The following TTLL5 variants were observed in gnomAD, a reference collection of about 807,000 sequenced individuals.
TTLL5 encodes the protein tubulin tyrosine ligase like 5, also known as tubulin polyglutamylase TTLL5.
TTLL5 carries 132 observed loss-of-function variants against 168.4 expected under a neutral mutation model. That is an observed-to-expected ratio of 0.78 (90% CI 0.68 to 0.91). TTLL5 has a LOEUF of 0.91. Among genes scored for constraint, TTLL5 ranks in the 40% least tolerant of loss-of-function variants. The pLI is 0.00. For synonymous variants in TTLL5, 546 were observed against 558.6 expected (o/e 0.98, Z 0.32); for missense variants, 1,545 against 1,581.5 (o/e 0.98, Z 0.39).
intron 29 of TTLL5, 106 bp downstream of exon 29, chr14:75,863,968 C>T (rs1013114318): frequency 1.8e-5 from 21 of 1,184,578 alleles, no homozygotes; most frequent in Non-Finnish European, 2.2e-5. Context: ...ATTAGTTTTC[C>T]AACCCCGTGC....
chr14:75,720,592 G>T lies in TTLL5; in HGVS notation c.935-4G>T. On this transcript the variant is annotated splice_region_variant and splice_polypyrimidine_tract_variant and intron_variant, in intron 11 of 31. Transcript: ENST00000298832. ...GTCTGAAATTTAAAAATTTTTGTTT[G>T]CAGCATTGATGGCCCATGTAGAAGA... The T allele has an allele frequency of 6.2e-7, 1 of 1,611,008 alleles. No homozygotes were observed. The highest frequency in any genetic ancestry group is 8.5e-7 in the Non-Finnish European group (1 of 1,178,184).
intron 19 of TTLL5, 125 bp from the exon 20 acceptor site, chr14:75,765,933 TATTA>T (rs1890951620): frequency 1.5e-6 from 1 of 670,512 alleles, no homozygotes; most frequent in Admixed American, 2.9e-5. Flanking sequence ...ATGTGGGTGC[TATTA>T]ATTCTGTGCC....
Position 75,882,819 on chromosome 14 carries a change from A to G in TTLL5, c.3657A>G (p.Pro1219=), listed in dbSNP as rs1203254027. The G allele has an allele frequency of 6.2e-7, 1 of 1,614,108 alleles. No homozygotes were observed. Among genetic ancestry groups the G allele is most frequent in the Non-Finnish European group, 8.5e-7 (1 of 1,180,010 alleles). The change falls in exon 30 of 32, where the codon CCA becomes CCG. Residue 1219 remains proline, a synonymous_variant. Transcript: ENST00000298832. ...TGCCACAAAAAGTGGTACCACCTCC[A>G]AGTTCTTGCGCCTCCCTGGTTCCCA... ...TTLPQKVVPP[P]SSCASLVPKP... is the part of the protein sequence containing the mutation.
intron 3 of TTLL5, among the ~76,000 whole-genome samples, chr14:75,675,394 T>A (rs1884061021): frequency 6.6e-6 from 1 of 152,236 alleles, no homozygotes; most frequent in Non-Finnish European, 1.5e-5. Context: ...CTTCTCTGTG[T>A]TGACAGTTAG....
At position 75,882,670 on chromosome 14, in the gene TTLL5, C is replaced by T. The variant is rs1566644104; in HGVS notation, c.3523-15C>T. 9 of 1,253,922 alleles carry T rather than the reference C, an allele frequency of 7.2e-6. No individual in the cohort carries two copies. Among genetic ancestry groups the T allele is most frequent in the Admixed American group, 2.1e-5 (1 of 48,114 alleles). The allele number at this position is 1,253,922 out of a possible 1,614,324, so 77.7% of individuals were successfully genotyped here. A position where few individuals can be genotyped will look rare whatever the true frequency, so the allele number is the denominator to read the frequency against. Reference sequence around the variant, plus strand: ...GTGATGTCCATCGATCATTTTTTTCCTTTTTTTTTTGTAGGCAATCTTTGG... The same window carrying T: ...GTGATGTCCATCGATCATTTTTTTCTTTTTTTTTTTGTAGGCAATCTTTGG... On this transcript the variant is annotated splice_polypyrimidine_tract_variant and intron_variant, in intron 29 of 31. Transcript: ENST00000298832.
chr14:75,895,700 C>G (rs2032624056), intron 30 of TTLL5, among the ~76,000 whole-genome samples: 1 of 151,914 alleles, frequency 6.6e-6, no homozygotes, highest in Non-Finnish European at 1.5e-5. Flanking sequence ...ACTCTTAATA[C>G]ATTTATTTAA....
At position 75,663,188 on chromosome 14, in the gene TTLL5, A is replaced by G. The variant is rs1594830312; in HGVS notation, c.39A>G (p.Ala13=). The change falls in exon 2 of 32, where the codon GCA becomes GCG. Residue 13 remains alanine (A), a synonymous_variant. Transcript: ENST00000298832. ...IVMARDLEET[A]SSSEDEEVIS... is the part of the protein sequence containing the mutation. The stretch of plus-strand genomic sequence containing the variant: ...TGGCCCGGGACCTGGAGGAAACAGC[A>G]TCATCCTCAGAGGATGAGGAGGTCA... The G allele has an allele frequency of 6.2e-7, 1 of 1,613,676 alleles. No individual in the cohort carries two copies. The highest frequency in any genetic ancestry group is 1.3e-5 in the African/African-American group (1 of 75,040).
At chr14:75,801,287 C>A (rs2140367766) in intron 27 of TTLL5, among the ~76,000 whole-genome samples, 1 of 152,160 alleles carries the variant, frequency 6.6e-6, no homozygotes, top group South Asian at 2.1e-4. Flanking sequence ...CTGCATCATA[C>A]AGGTCACCAG....
At chr14:75,697,328 CTT>C (rs1377592704) in intron 6 of TTLL5, among the ~76,000 whole-genome samples, 1 of 152,126 alleles carries the variant, frequency 6.6e-6, no homozygotes, top group East Asian at 1.9e-4. Context: ...CATTGAAAAT[CTT>C]ATATATGCAA....
intron 28 of TTLL5, among the ~76,000 whole-genome samples, chr14:75,862,500 G>C (rs151064919): frequency 0.015 from 2,213 of 152,256 alleles, 18 homozygotes; most frequent in South Asian, 0.025. Flanking sequence ...GTTATCGTCA[G>C]GTATTTTGTT....
chr14:75,866,886 A>C (rs1205573934), intron 29 of TTLL5, among the ~76,000 whole-genome samples: 1 of 152,218 alleles, frequency 6.6e-6, no homozygotes, highest in Non-Finnish European at 1.5e-5. Context: ...ACCCAGAGCC[A>C]GTGGCGGAAG....
At chr14:75,676,855 C>G (rs893575302) in intron 3 of TTLL5, among the ~76,000 whole-genome samples, 2 of 151,624 alleles carry the variant, frequency 1.3e-5, no homozygotes, top group Non-Finnish European at 2.9e-5. Context: ...ACTACTACAG[C>G]CTTGACCTCC....
intron 3 of TTLL5, among the ~76,000 whole-genome samples, chr14:75,673,596 A>G (rs1300884519): frequency 1.3e-5 from 2 of 152,216 alleles, no homozygotes; most frequent in African/African-American, 2.4e-5. Context: ...TAAAATCATT[A>G]GTAAAATGGA....
chr14:75,934,186 T>C (rs1021017277), intron 31 of TTLL5, among the ~76,000 whole-genome samples: 8 of 152,222 alleles, frequency 5.3e-5, no homozygotes, highest in Non-Finnish European at 8.8e-5. Flanking sequence ...CATCCCATAC[T>C]TTCTGCAGTA....
At chr14:75,672,288 C>G (rs529479046) in intron 3 of TTLL5, among the ~76,000 whole-genome samples, 4 of 152,102 alleles carry the variant, frequency 2.6e-5, no homozygotes, top group African/African-American at 9.6e-5. Context: ...GCTCTGTCAC[C>G]CAGGCTGGAG....
chr14:75,872,083 A>G (rs2031082168), intron 29 of TTLL5, among the ~76,000 whole-genome samples: 1 of 152,228 alleles, frequency 6.6e-6, no homozygotes, highest in Non-Finnish European at 1.5e-5. Flanking sequence ...AAGCAGACCT[A>G]TCTTTATTTA....
intron 31 of TTLL5, among the ~76,000 whole-genome samples, chr14:75,911,194 AT>A (rs59105131): frequency 2.2e-4 from 33 of 148,700 alleles, no homozygotes; most frequent in African/African-American, 6.6e-4. Flanking sequence ...TGCATGGCTA[AT>A]TTTTTTTTTT....
chr14:75,871,748 A>G (rs1186499575), intron 29 of TTLL5, among the ~76,000 whole-genome samples: 1 of 152,192 alleles, frequency 6.6e-6, no homozygotes. Flanking sequence ...AAAGACTTCA[A>G]TCCATCCATC....
At chr14:75,754,910 T>C (rs1314393569) in intron 18 of TTLL5, among the ~76,000 whole-genome samples, 2 of 152,160 alleles carry the variant, frequency 1.3e-5, no homozygotes, top group Admixed American at 6.5e-5. Flanking sequence ...GCCTGCATTC[T>C]TTCTTGAGGC....
Sources: allele counts gnomAD v4.1 joint callset (sites outside exome capture counted in the v4.1 genomes callset), GRCh38; gene constraint gnomAD v4.1.1; transcripts MANE v1.5; gene names NCBI Gene and HGNC (gene_info 2026-07-23, HGNC 2026-07-21).